S100A10: variants seen among roughly 807,000 people sequenced by gnomAD.
S100A10 encodes the protein S100 calcium binding protein A10, also known as protein S100-A10.
Under a neutral mutation model 7.1 loss-of-function variants are expected in S100A10, and 3 were observed. That is an observed-to-expected ratio of 0.42 (90% CI 0.19 to 1.10). S100A10 has a LOEUF of 1.10. S100A10 is among the 50% of genes least tolerant of loss of function. S100A10 has a pLI of 0.29. For missense variants in S100A10, 101 were observed against 118.1 expected, an observed-to-expected ratio of 0.86 and a Z score of 0.67; for synonymous variants, 41 against 39.3, an observed-to-expected ratio of 1.04 and a Z score of -0.16.
At chr1:151,991,023 A>G (rs1005767861) in intron 1 of S100A10, among the ~76,000 whole-genome samples, 1 of 152,214 alleles carries the variant, frequency 6.6e-6, no homozygotes, top group African/African-American at 2.4e-5. Context: ...CTGCAGTTTC[A>G]AAGAGGACAC....
Position 151,986,260 on chromosome 1 carries a change from G to A in S100A10, c.-21-9C>T. 6.4e-7 allele frequency: 1 copy of A among 1,567,546 alleles called. No individual in the cohort carries two copies. Among genetic ancestry groups the A allele is most frequent in the South Asian group, 1.2e-5 (1 of 83,310 alleles). ...GTGTGGTCCGTTGAAGCCTATTAAA[G>A]GATGTAAAGTAACAGGGTCTACATT... is the stretch of plus-strand genomic sequence containing the variant. On this transcript the variant is annotated splice_polypyrimidine_tract_variant and intron_variant, in intron 1 of 2. Transcript: ENST00000368811.
rs564002167 is a variant in S100A10, at chr1:151,992,060, G to A, written c.-22+1692C>T. On this transcript the variant is annotated intron_variant, in intron 1 of 2. Coordinates refer to ENST00000368811, the MANE Select transcript of S100A10 (RefSeq NM_002966.3). ...GGCCACAGTGAAGAAACTATCCTCT[G>A]GCTGTGAAGGAACAAATACACCATT... Among the ~76,000 whole-genome samples, 12 of 152,306 alleles carry A rather than the reference G, an allele frequency of 7.9e-5. No homozygotes were observed. In the East Asian group the frequency reaches 1.2e-3, roughly 15 times the overall value.
At chr1:151,992,378 A>C (rs539764654) in intron 1 of S100A10, 1 of 152,312 alleles carries the variant, frequency 6.6e-6, no homozygotes, top group South Asian at 2.1e-4. Context: ...CTCCCAAGTA[A>C]GGCTGAGGCA....
chr1:151,989,110 T>C (rs1198089148), intron 1 of S100A10, among the ~76,000 whole-genome samples: 1 of 152,138 alleles, frequency 6.6e-6, no homozygotes, highest in Non-Finnish European at 1.5e-5. Context: ...TTAAAAAGGC[T>C]AATTTTAGGA....
chr1:151,990,081 T>C (rs899723761), intron 1 of S100A10, among the ~76,000 whole-genome samples: 11 of 152,210 alleles, frequency 7.2e-5, no homozygotes, highest in Non-Finnish European at 1.5e-4. Flanking sequence ...ACACAATCCC[T>C]TGGGCAGTAG....
chr1:151,984,156 T>A (rs1452629991), intron 2 of S100A10: 5 of 152,202 alleles, frequency 3.3e-5, no homozygotes, highest in Non-Finnish European at 7.3e-5. Flanking sequence ...GTAGGGTCCA[T>A]GCCATCAACC....
In S100A10 at chr1:151,982,915, T is replaced by G; in HGVS notation, c.*248A>C. ...GGAACAACAAACATTCTGTCTCAAA[T>G]TTGGAACTAAAAAAGAACTTTATTT... On this transcript the variant is annotated 3_prime_UTR_variant, in exon 3 of 3. Transcript: ENST00000368811. 3.7e-6 allele frequency: 1 copy of G among 267,664 alleles called. No homozygotes were observed. Among genetic ancestry groups the G allele is most frequent in the Non-Finnish European group, 7.0e-6 (1 of 143,614 alleles). The allele number at this position is 267,664 out of a possible 1,614,324, so 16.6% of individuals were successfully genotyped here.
In S100A10 at chr1:151,987,741, C is replaced by T. The variant is rs571634520; in HGVS notation, c.-21-1490G>A. Among the ~76,000 whole-genome samples the T allele has an allele frequency of 2.6e-5, 4 of 151,548 alleles. No homozygotes were observed. In the East Asian group the frequency reaches 5.9e-4, roughly 22 times the overall value. ...ATTTTTAGTAGAGATGGGGTTTCACCGTGGTCTCGATCTCCTGACCTCGTG... is the reference window on the plus strand; with the variant it reads ...ATTTTTAGTAGAGATGGGGTTTCACTGTGGTCTCGATCTCCTGACCTCGTG... On this transcript the variant is annotated intron_variant, in intron 1 of 2. Transcript: ENST00000368811.
At chr1:151,985,696 T>G (rs150577764) in intron 2 of S100A10, among the ~76,000 whole-genome samples, 98 of 152,372 alleles carry the variant, frequency 6.4e-4, no homozygotes, top group African/African-American at 2.2e-3. Context: ...GTAGCCATTT[T>G]CTGGTTGACT....
rs554854117 is a variant in S100A10, at chr1:151,987,916, C to A, written c.-21-1665G>T. On this transcript the variant is annotated intron_variant, in intron 1 of 2. Coordinates refer to ENST00000368811, the MANE Select transcript of S100A10 (RefSeq NM_002966.3). ...TGGCAGTAAAATACAGTTGCTCTAC[C>A]CAAACAGAAAACTACTCAAAGTCCA... Among the ~76,000 whole-genome samples, 3 of 152,136 alleles carry A rather than the reference C, an allele frequency of 2.0e-5. No individual in the cohort carries two copies. In the South Asian group the frequency reaches 6.2e-4, roughly 32 times the overall value.
In S100A10 at chr1:151,986,317, T is replaced by C. The variant is rs1446936096; in HGVS notation, c.-21-66A>G. 4.5e-5 allele frequency: 51 copies of C among 1,122,734 alleles called. No homozygotes were observed. The South Asian group carries it at 8.6e-4, about 19-fold the overall frequency. The allele number at this position is 1,122,734 out of a possible 1,614,324, so 69.5% of individuals were successfully genotyped here. ...TTTTGGCAGACTTTATGCATGAATTTATTTTTTTTAAATTGAAAGATAAAA... is the reference window on the plus strand; with the variant it reads ...TTTTGGCAGACTTTATGCATGAATTCATTTTTTTTAAATTGAAAGATAAAA... On this transcript the variant is annotated intron_variant, in intron 1 of 2. Coordinates refer to ENST00000368811, the MANE Select transcript of S100A10 (RefSeq NM_002966.3).
chr1:151,987,817 T>A (rs1428040557), intron 1 of S100A10, among the ~76,000 whole-genome samples: 1 of 152,204 alleles, frequency 6.6e-6, no homozygotes, highest in Non-Finnish European at 1.5e-5. Flanking sequence ...CGTGAGCCAC[T>A]ATGCCCGGCC....
chr1:151,984,159 C>T (rs1655747350), intron 2 of S100A10: 1 of 152,156 alleles, frequency 6.6e-6, no homozygotes, highest in Non-Finnish European at 1.5e-5. Flanking sequence ...GGGTCCATGC[C>T]ATCAACCAGA....
rs1233842055 is a variant in S100A10, at chr1:151,983,312, G to A, written c.145C>T (p.Pro49Ser). Reference sequence around the variant, plus strand: ...TTCATTATTTTGTCCACAGCCAGAGGGTCTTTTTGATTCTGAAAAAAAAAA... The same window carrying A: ...TTCATTATTTTGTCCACAGCCAGAGAGTCTTTTTGATTCTGAAAAAAAAAA... ...FPGFLENQKD[P>S]LAVDKIMKDL... The change falls in exon 3 of 3, where the codon CCT becomes TCT. Residue 49 changes from proline (P) to serine (S), a missense_variant. Coordinates refer to ENST00000368811, the MANE Select transcript of S100A10 (RefSeq NM_002966.3). 5.8e-6 allele frequency: 9 copies of A among 1,545,644 alleles called. No individual in the cohort carries two copies. In the East Asian group the frequency reaches 2.1e-4, roughly 35 times the overall value.
chr1:151,991,842 C>T (rs1350063501), intron 1 of S100A10, among the ~76,000 whole-genome samples: 2 of 152,202 alleles, frequency 1.3e-5, no homozygotes, highest in Admixed American at 6.5e-5. Flanking sequence ...CTCAGCTCCA[C>T]CCTGACCTCA....
At chr1:151,985,737 A>T (rs540030476) in intron 2 of S100A10, among the ~76,000 whole-genome samples, 2 of 152,098 alleles carry the variant, frequency 1.3e-5, no homozygotes, top group African/African-American at 4.8e-5. Context: ...CTTTCTCCCA[A>T]CTCTGTCCCC....
chr1:151,986,760 A>G (rs890224410), intron 1 of S100A10, among the ~76,000 whole-genome samples: 5 of 152,220 alleles, frequency 3.3e-5, no homozygotes, highest in Non-Finnish European at 7.3e-5. Context: ...GATTTACATT[A>G]ACTTTTAAGC....
rs1288779461 is a variant in S100A10 at position 151,987,281 on chromosome 1, C to G, written c.-21-1030G>C. Among the ~76,000 whole-genome samples the G allele has an allele frequency of 2.0e-5, 3 of 151,950 alleles. No homozygotes were observed. The South Asian group carries it at 6.2e-4, about 32-fold the overall frequency. ...TCGGCCTCCCAAAGTGCTGGGATTA[C>G]AGGCCACTGCGCCCGGCCCAGTGTT... On this transcript the variant is annotated intron_variant, in intron 1 of 2. Coordinates refer to ENST00000368811, the MANE Select transcript of S100A10 (RefSeq NM_002966.3).
rs1655814674 is a variant in S100A10 at position 151,987,363 on chromosome 1, T to C, written c.-21-1112A>G. On this transcript the variant is annotated intron_variant, in intron 1 of 2. Coordinates refer to ENST00000368811, the MANE Select transcript of S100A10 (RefSeq NM_002966.3). ...AGAACAGATAGTTCATAATTTCTCTTGGCACTAGTAAATGGGATTCTTAGA... is the reference window on the plus strand; with the variant it reads ...AGAACAGATAGTTCATAATTTCTCTCGGCACTAGTAAATGGGATTCTTAGA... Among the ~76,000 whole-genome samples the C allele has an allele frequency of 7.2e-5, 11 of 152,014 alleles. No homozygotes were observed. The South Asian group carries it at 2.3e-3, about 32-fold the overall frequency.
Sources: gnomAD v4.1 joint callset for allele counts (sites outside exome capture counted in the v4.1 genomes callset) on GRCh38, gnomAD v4.1.1 for gene constraint, MANE v1.5 for transcripts, NCBI Gene and HGNC (gene_info 2026-07-23, HGNC 2026-07-21) for gene names.